Variants in GABRG3 observed in about 807,000 individuals in gnomAD.
The protein encoded by GABRG3 is gamma-aminobutyric acid receptor subunit gamma-3.
Under a neutral mutation model 48.8 loss-of-function variants are expected in GABRG3, and 25 were observed. The ratio of observed to expected loss-of-function variants is 0.51; its 90% CI spans 0.37 to 0.72. The LOEUF is 0.72. GABRG3 is among the 30% of genes least tolerant of loss of function. The probability of loss-of-function intolerance (pLI) is 0.00; values close to 1 mark genes in which losing one functional copy is unlikely to be tolerated. For missense variants in GABRG3, 394 were observed against 577.9 expected, an observed-to-expected ratio of 0.68 and a Z score of 3.26; for synonymous variants, 227 against 217.6, an observed-to-expected ratio of 1.04 and a Z score of -0.38.
At chr15:27,056,278 G>C (rs1193997610) in intron 3 of GABRG3, among the ~76,000 whole-genome samples, 1 of 150,908 alleles carries the variant, frequency 6.6e-6, no homozygotes, top group Non-Finnish European at 1.5e-5. Flanking sequence ...TTGAGCCTGG[G>C]GGGAACTGAG....
chr15:27,467,398 C>T (rs1243657193), intron 5 of GABRG3, among the ~76,000 whole-genome samples: 2 of 152,136 alleles, frequency 1.3e-5, no homozygotes, highest in African/African-American at 4.8e-5. Flanking sequence ...ATCTTCAGTA[C>T]CACTGCACTT....
chr15:27,450,747 C>A (rs968273800), intron 5 of GABRG3, among the ~76,000 whole-genome samples: 1 of 151,618 alleles, frequency 6.6e-6, no homozygotes, highest in African/African-American at 2.4e-5. Context: ...GGGTGGCATC[C>A]AAATCTTCTG....
At chr15:27,211,252 G>A (rs917546990) in intron 3 of GABRG3, among the ~76,000 whole-genome samples, 5 of 152,088 alleles carry the variant, frequency 3.3e-5, no homozygotes, top group South Asian at 2.1e-4. Context: ...CAGAAGCAGT[G>A]CCATGATTTA....
At chr15:27,262,237 C>T (rs55702442) in intron 3 of GABRG3, among the ~76,000 whole-genome samples, 4,826 of 152,264 alleles carry the variant, frequency 0.032, 238 homozygotes, top group African/African-American at 0.11. Flanking sequence ...CGCGCATTTG[C>T]GTCTGTTTGC....
intron 3 of GABRG3, among the ~76,000 whole-genome samples, chr15:27,060,977 G>A (rs974648592): frequency 8.5e-5 from 13 of 152,110 alleles, no homozygotes; most frequent in African/African-American, 2.7e-4. Context: ...TTACTTAATA[G>A]GGCGATGGCC....
At chr15:27,254,506 A>G (rs895773724) in intron 3 of GABRG3, among the ~76,000 whole-genome samples, 2 of 152,112 alleles carry the variant, frequency 1.3e-5, no homozygotes, top group African/African-American at 2.4e-5. Context: ...TCTTATACAC[A>G]ACAGAAACTC....
At chr15:27,356,472 C>T (rs930881643) in intron 5 of GABRG3, among the ~76,000 whole-genome samples, 1 of 152,170 alleles carries the variant, frequency 6.6e-6, no homozygotes. Context: ...TCCCTCGGCT[C>T]TTCTCTTCAG....
At chr15:27,357,141 T>C (rs1256115659) in intron 5 of GABRG3, among the ~76,000 whole-genome samples, 1 of 152,128 alleles carries the variant, frequency 6.6e-6, no homozygotes, top group East Asian at 1.9e-4. Flanking sequence ...TCACGGCGCC[T>C]CTCATTGTGT....
At position 27,527,811 on chromosome 15, in the gene GABRG3, C is replaced by T. The variant is rs1891316138; in HGVS notation, c.1063-122C>T. The T allele has an allele frequency of 3.1e-6, 3 of 965,600 alleles. No homozygotes were observed. The East Asian group carries it at 7.9e-5, about 25-fold the overall frequency. 59.8% of individuals were successfully genotyped at this position (965,600 alleles called of 1,614,324 possible). On this transcript the variant is annotated intron_variant, in intron 8 of 9. Transcript: ENST00000615808. Reference sequence around the variant, plus strand: ...ATGTGAATGTGACTCTAAGACATCTCTGGTGTCACCTACCGGTGACGTGGC... The same window carrying T: ...ATGTGAATGTGACTCTAAGACATCTTTGGTGTCACCTACCGGTGACGTGGC...
intron 3 of GABRG3, among the ~76,000 whole-genome samples, chr15:27,293,433 A>G (rs1331918274): frequency 6.6e-6 from 1 of 152,280 alleles, no homozygotes; most frequent in African/African-American, 2.4e-5. Context: ...TCACGCCTGT[A>G]ATCCCAGCAC....
At chr15:27,001,498 G>A (rs924878344) in intron 2 of GABRG3, among the ~76,000 whole-genome samples, 1 of 152,236 alleles carries the variant, frequency 6.6e-6, no homozygotes, top group African/African-American at 2.4e-5. Flanking sequence ...CTTCTCTGCA[G>A]GTTAGCATTT....
In GABRG3 at chr15:27,248,831, G is replaced by GAGAGAGAGAGAGAA. The variant is rs1555412455; in HGVS notation, c.271-77973_271-77972insGAGAGAGAAAGAGA. ...AGAGAGAGAGAGAGAGAGAGAGAGAGAGAGACAGAGAGAAGCTGCTGTGGC... is the reference window on the plus strand; with the variant it reads ...AGAGAGAGAGAGAGAGAGAGAGAGAGAGAGAGAGAGAGAAAGAGACAGAGAGAAGCTGCTGTGGC... On this transcript the variant is annotated intron_variant, in intron 3 of 9. Transcript: ENST00000615808. 1.5e-3 allele frequency among the ~76,000 whole-genome samples: 191 copies of GAGAGAGAGAGAGAA among 128,996 alleles called. 2 individuals carry two copies. The highest frequency in any genetic ancestry group is 5.3e-3 in the African/African-American group (179 of 33,596). The allele number at this position is 128,996 out of a possible 152,430, so 84.6% of individuals were successfully genotyped here. A position where few individuals can be genotyped will look rare whatever the true frequency, so the allele number is the denominator to read the frequency against.
chr15:27,224,763 C>G (rs193196286), intron 3 of GABRG3, among the ~76,000 whole-genome samples: 1 of 152,234 alleles, frequency 6.6e-6, no homozygotes, highest in East Asian at 1.9e-4. Context: ...AACTTTCTTG[C>G]ATGCTGTGCA....
chr15:27,072,207 G>A (rs772731158), intron 3 of GABRG3, among the ~76,000 whole-genome samples: 1 of 152,114 alleles, frequency 6.6e-6, no homozygotes, highest in Non-Finnish European at 1.5e-5. Flanking sequence ...ACTCAAGCCT[G>A]CAAGGAAATA....
rs563258737 is a variant in GABRG3 at position 27,454,336 on chromosome 15, A to G, written c.575-26314A>G. 2.0e-5 allele frequency among the ~76,000 whole-genome samples: 3 copies of G among 152,368 alleles called. No individual in the cohort carries two copies. In the East Asian group the frequency reaches 5.8e-4, roughly 29 times the overall value. ...GGGAGAAAAGCCACAAAGCATCATA[A>G]GCCCACGCCTTATCTAAGCATTTAC... On this transcript the variant is annotated intron_variant, in intron 5 of 9. Transcript: ENST00000615808.
At chr15:27,275,242 T>A (rs553816611) in intron 3 of GABRG3, among the ~76,000 whole-genome samples, 1 of 152,226 alleles carries the variant, frequency 6.6e-6, no homozygotes, top group Non-Finnish European at 1.5e-5. Context: ...CCCCAGGTTG[T>A]CAAGTAACCT....
chr15:27,499,551 G>A (rs1310166181), intron 6 of GABRG3, among the ~76,000 whole-genome samples: 5 of 152,148 alleles, frequency 3.3e-5, no homozygotes, highest in South Asian at 2.1e-4. Flanking sequence ...TGTTTATGTC[G>A]GAGTAAGAGG....
chr15:27,318,270 AT>A (rs1195550994), intron 3 of GABRG3, among the ~76,000 whole-genome samples: 5 of 151,928 alleles, frequency 3.3e-5, no homozygotes, highest in African/African-American at 4.8e-5. Context: ...AAGCCACGTC[AT>A]TTTTTTTCTC....
intron 3 of GABRG3, among the ~76,000 whole-genome samples, chr15:27,100,251 A>G (rs111371226): frequency 0.01 from 1,568 of 151,498 alleles, 26 homozygotes; most frequent in African/African-American, 0.036. Flanking sequence ...GAATTAATGG[A>G]CCAGTTTTTT....
Sources: allele counts gnomAD v4.1 joint callset (sites outside exome capture counted in the v4.1 genomes callset), GRCh38; gene constraint gnomAD v4.1.1; transcripts MANE v1.5; gene names NCBI Gene and HGNC (gene_info 2026-07-23, HGNC 2026-07-21).